NKD1: variants seen among roughly 807,000 people sequenced by gnomAD.
NKD1 encodes the protein NKD inhibitor of Wnt signaling pathway 1, also known as protein naked cuticle homolog 1.
A neutral mutation model predicts 56.0 loss-of-function variants in NKD1; 21 were observed. That is an observed-to-expected ratio of 0.38 (90% CI 0.27 to 0.54). The LOEUF (loss-of-function observed/expected upper bound fraction) is 0.54. NKD1 is among the 20% of genes least tolerant of loss of function. The pLI is 0.82. For missense variants in NKD1, 578 were observed against 642.7 expected (o/e 0.90, Z 1.09); for synonymous variants, 263 against 265.7 (o/e 0.99, Z 0.10).
chr16:50,559,644 C>T (rs1596705004), intron 3 of NKD1, among the ~76,000 whole-genome samples: 4 of 152,026 alleles, frequency 2.6e-5, no homozygotes, highest in African/African-American at 4.8e-5. Context: ...GAGGCCTTGT[C>T]TCCTTGCCGC....
rs1240000202 is a variant in NKD1, at chr16:50,634,455, TTCTC to T, written c.*680_*683del. On this transcript the variant is annotated 3_prime_UTR_variant, in exon 10 of 10. Coordinates refer to ENST00000268459, the MANE Select transcript of NKD1 (RefSeq NM_033119.5). ...AATCCACTTCTCTTCCTTCTCCTTC[TTCTC>T]TCTCTACTTTACAGTGATACACACA... The T allele has an allele frequency of 6.6e-6, 1 of 152,366 alleles. No homozygotes were observed. Among genetic ancestry groups the T allele is most frequent in the Non-Finnish European group, 1.5e-5 (1 of 68,030 alleles). 9.4% of individuals were successfully genotyped at this position (152,366 alleles called of 1,614,324 possible).
At chr16:50,559,362 C>T (rs1037098910) in intron 3 of NKD1, among the ~76,000 whole-genome samples, 2 of 152,060 alleles carry the variant, frequency 1.3e-5, no homozygotes, top group African/African-American at 2.4e-5. Context: ...GGGAGTGATG[C>T]GTAAGTCGTT....
chr16:50,549,378 C>T (rs1459338162), intron 2 of NKD1, 44 bp from the exon 3 acceptor site: 1 of 1,592,364 alleles, frequency 6.3e-7, no homozygotes, highest in Admixed American at 1.7e-5. Context: ...TAACTTTTGG[C>T]ACCTGGAGCC....
chr16:50,550,642 G>A (rs887953965), intron 3 of NKD1, among the ~76,000 whole-genome samples: 5 of 152,032 alleles, frequency 3.3e-5, no homozygotes, highest in East Asian at 1.9e-4. Context: ...TCTGTTGGCC[G>A]GGTCGGACTT....
intron 3 of NKD1, 33 bp downstream of exon 3, chr16:50,549,588 C>T (rs1665923026): frequency 2.0e-6 from 3 of 1,533,128 alleles, no homozygotes; most frequent in Non-Finnish European, 2.6e-6. Context: ...CACCTCCTGG[C>T]CTCCTTTCAG....
chr16:50,631,388 G>A (rs1962341643), intron 8 of NKD1, among the ~76,000 whole-genome samples: 1 of 152,178 alleles, frequency 6.6e-6, no homozygotes, highest in African/African-American at 2.4e-5. Context: ...CAGCTGCAAG[G>A]GAGGAAGGGA....
intron 3 of NKD1, among the ~76,000 whole-genome samples, chr16:50,596,898 C>G (rs913268697): frequency 3.9e-5 from 6 of 152,160 alleles, no homozygotes; most frequent in Non-Finnish European, 8.8e-5. Flanking sequence ...GTAGAGGGAA[C>G]AGCGTGTGTG....
chr16:50,642,866 C>G lies in NKD1; in HGVS notation c.*9085C>G, dbSNP rs1446609514. 3 of 152,226 alleles carry G rather than the reference C, an allele frequency of 2.0e-5. No individual in the cohort carries two copies. The highest frequency in any genetic ancestry group is 2.9e-5 in the Non-Finnish European group (2 of 68,046). 9.4% of individuals were successfully genotyped at this position (152,226 alleles called of 1,614,324 possible). A position where few individuals can be genotyped will look rare whatever the true frequency, so the allele number is the denominator to read the frequency against. ...ACTTGAGGACATGACTTTTCCCTCTCAAGTTTGATGGGATCACTCTGTTCC... is the reference window on the plus strand; with the variant it reads ...ACTTGAGGACATGACTTTTCCCTCTGAAGTTTGATGGGATCACTCTGTTCC... On this transcript the variant is annotated 3_prime_UTR_variant, in exon 10 of 10. Coordinates refer to ENST00000268459, the MANE Select transcript of NKD1 (RefSeq NM_033119.5).
intron 3 of NKD1, among the ~76,000 whole-genome samples, chr16:50,589,101 C>A (rs554020921): frequency 6.6e-6 from 1 of 152,280 alleles, no homozygotes; most frequent in African/African-American, 2.4e-5. Context: ...TAAAGGAAAC[C>A]TAATGTCCTC....
At chr16:50,587,113 G>T (rs1212824451) in intron 3 of NKD1, among the ~76,000 whole-genome samples, 1 of 152,184 alleles carries the variant, frequency 6.6e-6, no homozygotes, top group South Asian at 2.1e-4. Flanking sequence ...TACGTGCTAG[G>T]TATATCAATA....
Position 50,549,467 on chromosome 16 carries a change from A to G in NKD1, c.104A>G (p.Glu35Gly). The G allele has an allele frequency of 6.2e-7, 1 of 1,611,050 alleles. No homozygotes were observed. The highest frequency in any genetic ancestry group is 8.5e-7 in the Non-Finnish European group (1 of 1,178,882). Reference protein sequence around the residue: ...VSAAWARKGIEEWIGRQRCPG... With the variant: ...VSAAWARKGIGEWIGRQRCPG... ...GCTGCCTGGGCTCGGAAGGGCATCG[A>G]GGAGTGGATCGGGAGACAGCGCTGC... The change falls in exon 3 of 10, where the codon GAG becomes GGG. Residue 35 changes from glutamate to glycine, a missense_variant. Transcript: ENST00000268459.
At chr16:50,624,681 T>G (rs1186369471) in intron 5 of NKD1, among the ~76,000 whole-genome samples, 1 of 152,208 alleles carries the variant, frequency 6.6e-6, no homozygotes, top group Non-Finnish European at 1.5e-5. Flanking sequence ...CTGTGGGCTC[T>G]GCCTGCTGGA....
rs751657747 is a variant in NKD1 at position 50,633,449 on chromosome 16, G to A, written c.1081G>A (p.Val361Met). The A allele has an allele frequency of 9.3e-6, 15 of 1,609,552 alleles. No individual in the cohort carries two copies. The highest frequency in any genetic ancestry group is 2.7e-5 in the African/African-American group (2 of 74,856). ...AQGKSVGVGHVARGARNKPPL... is the reference protein window; with the variant it reads ...AQGKSVGVGHMARGARNKPPL... ...GGGCAAGAGTGTGGGTGTGGGCCAC[G>A]TGGCCAGAGGGGCAAGAAACAAGCC... Residue 361 changes from valine to methionine, a missense_variant, in exon 10 of 10, where the codon GTG becomes ATG. By Grantham distance (21) the Val-to-Met change is conservative. Transcript: ENST00000268459. The surrounding 1 kb of genome is among the most constrained non-coding windows in gnomAD (Gnocchi z 4.9).
intron 3 of NKD1, among the ~76,000 whole-genome samples, chr16:50,573,170 G>T (rs904887778): frequency 6.6e-6 from 1 of 152,184 alleles, no homozygotes; most frequent in Non-Finnish European, 1.5e-5. Flanking sequence ...GTCCTTTCTG[G>T]AAGTCTTTTC....
chr16:50,550,930 C>G (rs917263381), intron 3 of NKD1, among the ~76,000 whole-genome samples: 6 of 152,124 alleles, frequency 3.9e-5, no homozygotes, highest in Non-Finnish European at 7.3e-5. Flanking sequence ...TGCAGAATGA[C>G]ATTTATTTGC....
At chr16:50,571,399 T>G in intron 3 of NKD1, 1 of 771,552 alleles carries the variant, frequency 1.3e-6, no homozygotes, top group Non-Finnish European at 1.6e-6. Context: ...CATGGAGGCT[T>G]TGGGGGTTGG....
chr16:50,614,955 A>C (rs1961927746), intron 4 of NKD1, among the ~76,000 whole-genome samples: 1 of 152,136 alleles, frequency 6.6e-6, no homozygotes, highest in Non-Finnish European at 1.5e-5. Context: ...CTCTTCTTTC[A>C]TACTGACCTA....
chr16:50,574,656 G>T (rs918106830), intron 3 of NKD1: 5 of 985,264 alleles, frequency 5.1e-6, no homozygotes, highest in Non-Finnish European at 6.0e-6. Context: ...CAGGAGCCAG[G>T]GGGTCCCCTC....
At chr16:50,570,119 T>A (rs550086337) in intron 3 of NKD1, among the ~76,000 whole-genome samples, 57 of 152,364 alleles carry the variant, frequency 3.7e-4, no homozygotes, top group African/African-American at 1.2e-3. Flanking sequence ...AACGATAGTA[T>A]TTTGAAATGT....
Sources: allele counts gnomAD v4.1 joint callset (sites outside exome capture counted in the v4.1 genomes callset), GRCh38; gene constraint gnomAD v4.1.1; non-coding constraint Gnocchi (gnomAD v3.1); transcripts MANE v1.5; gene names NCBI Gene and HGNC (gene_info 2026-07-23, HGNC 2026-07-21).